GLIS3: variants seen among roughly 807,000 people sequenced by gnomAD.
The protein encoded by GLIS3 is GLIS family zinc finger 3.
A neutral mutation model predicts 78.6 loss-of-function variants in GLIS3; 53 were observed. That is an observed-to-expected ratio of 0.67 (90% CI 0.54 to 0.85). GLIS3 has a LOEUF of 0.85. Among genes scored for constraint, GLIS3 ranks in the 40% least tolerant of loss-of-function variants. The pLI is 0.00. For synonymous variants in GLIS3, 684 were observed against 509.9 expected, an observed-to-expected ratio of 1.34 and a Z score of -4.60; for missense variants, 1,703 against 1,231.1, an observed-to-expected ratio of 1.38 and a Z score of -5.74.
intron 4 of GLIS3, among the ~76,000 whole-genome samples, chr9:4,006,475 C>G (rs1821561934): frequency 6.6e-6 from 1 of 152,114 alleles, no homozygotes; most frequent in Non-Finnish European, 1.5e-5. Flanking sequence ...GCCCCGAGCA[C>G]ATCACTGAGT....
intron 6 of GLIS3, among the ~76,000 whole-genome samples, chr9:3,914,751 CCT>C (rs566924298): frequency 6.7e-4 from 102 of 152,272 alleles, no homozygotes; most frequent in Admixed American, 5.5e-3. Flanking sequence ...ATTCCAGCCC[CCT>C]GTTTGACAGA....
intron 4 of GLIS3, among the ~76,000 whole-genome samples, chr9:4,102,743 G>A (rs2130806626): frequency 6.6e-6 from 1 of 152,228 alleles, no homozygotes; most frequent in East Asian, 1.9e-4. Context: ...CTAAGACACA[G>A]TCTTAAATAT....
chr9:4,308,544 C>A (rs960200360), intron 4 of GLIS3, among the ~76,000 whole-genome samples: 2 of 152,112 alleles, frequency 1.3e-5, no homozygotes, highest in East Asian at 3.9e-4. Flanking sequence ...GAGATCTCCC[C>A]CAGCCTTGAG....
rs1194982697 is a variant in GLIS3, at chr9:4,118,126, G to A, written c.1352C>T (p.Pro451Leu). The A allele has an allele frequency of 5.8e-6, 9 of 1,550,034 alleles. No individual in the cohort carries two copies. The highest frequency in any genetic ancestry group is 1.2e-5 in the South Asian group (1 of 80,884). The change falls in exon 4 of 11, where the codon CCT becomes CTT. Residue 451 changes from proline (P) to leucine (L), a missense_variant. Coordinates refer to ENST00000381971, the MANE Select transcript of GLIS3 (RefSeq NM_001042413.2). The surrounding 1 kb of genome is among the most constrained non-coding windows in gnomAD (Gnocchi z 4.7). ...TGGGGGGCCTGGGGGCGGCGGCAGA[G>A]GAGGGAGCGGAGGCGCGGGGGGTAG... The part of the protein sequence containing the change: ...VDLPPAPPLP[P>L]LPPPPGPPPP...
the GLIS3 span, among the ~76,000 whole-genome samples, chr9:4,394,942 A>G: frequency 6.6e-6 from 1 of 152,228 alleles, no homozygotes; most frequent in Non-Finnish European, 1.5e-5. Flanking sequence ...CTGGCTGGGG[A>G]AAATATACTA....
chr9:4,202,360 C>G (rs1011450666), intron 2 of GLIS3, among the ~76,000 whole-genome samples: 1 of 151,014 alleles, frequency 6.6e-6, no homozygotes, highest in Admixed American at 6.6e-5. Context: ...ACCATGTTCA[C>G]CAGGATGGTC....
the GLIS3 span, among the ~76,000 whole-genome samples, chr9:4,489,333 T>C: frequency 5.3e-5 from 8 of 152,204 alleles, no homozygotes; most frequent in African/African-American, 1.9e-4. Context: ...AAGATGCTTG[T>C]ATCAATTTAC....
chr9:4,464,983 C>T, the GLIS3 span, among the ~76,000 whole-genome samples: 3 of 152,192 alleles, frequency 2.0e-5, no homozygotes, highest in Non-Finnish European at 1.5e-5. Flanking sequence ...GACATATTTG[C>T]ACAAGCTATA....
At chr9:4,190,203 G>C (rs1397229910) in intron 2 of GLIS3, among the ~76,000 whole-genome samples, 1 of 152,198 alleles carries the variant, frequency 6.6e-6, no homozygotes, top group East Asian at 1.9e-4. Context: ...GACGAGTTGA[G>C]AGTGAAGGCT....
chr9:3,882,530 T>A (rs1267986565), intron 7 of GLIS3, among the ~76,000 whole-genome samples: 1 of 152,052 alleles, frequency 6.6e-6, no homozygotes, highest in African/African-American at 2.4e-5. Flanking sequence ...GTGAAGGGGA[T>A]GCTAGGTGGG....
intron 8 of GLIS3, among the ~76,000 whole-genome samples, chr9:3,876,088 T>G (rs1821289986): frequency 1.3e-5 from 2 of 152,148 alleles, no homozygotes; most frequent in African/African-American, 4.8e-5. Context: ...AGGTGCAATC[T>G]AAATCTCAAA....
rs1338408569 is a variant in GLIS3, at chr9:3,836,438, T to A, written c.2474-6946A>T. 2.0e-5 allele frequency among the ~76,000 whole-genome samples: 3 copies of A among 152,214 alleles called. 1 individual carries two copies. Among genetic ancestry groups the A allele is most frequent in the Non-Finnish European group, 4.4e-5 (3 of 68,036 alleles). ...GCATATGCAGGGACATGTAGAAGCA[T>A]AAGTGATGAATGGGTGGACTCAAAC... On this transcript the variant is annotated intron_variant, in intron 9 of 10. Coordinates refer to ENST00000381971, the MANE Select transcript of GLIS3 (RefSeq NM_001042413.2).
intron 4 of GLIS3, among the ~76,000 whole-genome samples, chr9:4,056,815 A>T (rs1045938974): frequency 6.6e-6 from 1 of 152,054 alleles, no homozygotes; most frequent in African/African-American, 2.4e-5. Context: ...ATGGATAGGG[A>T]AAAGAGTTGG....
At chr9:4,124,786 G>T (rs1426604575) in intron 3 of GLIS3, among the ~76,000 whole-genome samples, 1 of 152,148 alleles carries the variant, frequency 6.6e-6, no homozygotes, top group Admixed American at 6.5e-5. Flanking sequence ...CACATAGCAG[G>T]TTACAGATCC....
At chr9:4,215,305 G>C (rs1820719112) in intron 2 of GLIS3, among the ~76,000 whole-genome samples, 1 of 149,124 alleles carries the variant, frequency 6.7e-6, no homozygotes, top group African/African-American at 2.5e-5. Flanking sequence ...TGAGGGGAGA[G>C]ATGAGAGGAG....
At position 3,888,116 on chromosome 9, in the gene GLIS3, G is replaced by A. The variant is rs538535910; in HGVS notation, c.2129-8521C>T. Among the ~76,000 whole-genome samples the A allele has an allele frequency of 2.0e-5, 3 of 152,254 alleles. No homozygotes were observed. The East Asian group carries it at 5.8e-4, about 29-fold the overall frequency. ...TGTTATGTTAACCCTCATTGGGGCA[G>A]AGTGGGAAGGCAGAAAAAAAGGAGA... On this transcript the variant is annotated intron_variant, in intron 7 of 10. Transcript: ENST00000381971.
intron 2 of GLIS3, among the ~76,000 whole-genome samples, chr9:4,204,289 C>T (rs1335203941): frequency 6.6e-6 from 1 of 152,130 alleles, no homozygotes; most frequent in African/African-American, 2.4e-5. Flanking sequence ...CTTTCACACA[C>T]ACATCCCAAT....
At chr9:3,970,134 G>C (rs1390330588) in intron 4 of GLIS3, among the ~76,000 whole-genome samples, 1 of 152,196 alleles carries the variant, frequency 6.6e-6, no homozygotes, top group East Asian at 1.9e-4. Flanking sequence ...CAATTATTAA[G>C]GGTGGTTTTC....
chr9:4,211,790 G>A (rs577282413), intron 2 of GLIS3, among the ~76,000 whole-genome samples: 1 of 152,302 alleles, frequency 6.6e-6, no homozygotes, highest in Non-Finnish European at 1.5e-5. Context: ...ACTGATGAAT[G>A]GAGAAGTAAA....
Sources: allele counts gnomAD v4.1 joint callset (sites outside exome capture counted in the v4.1 genomes callset), GRCh38; gene constraint gnomAD v4.1.1; non-coding constraint Gnocchi (gnomAD v3.1); transcripts MANE v1.5; gene names NCBI Gene and HGNC (gene_info 2026-07-23, HGNC 2026-07-21).